Variants in FBXO43 observed in about 807,000 individuals in gnomAD.
FBXO43 encodes the protein F-box only protein 43.
FBXO43 carries 22 observed loss-of-function variants against 56.7 expected under a neutral mutation model. The ratio of observed to expected loss-of-function variants is 0.39; its 90% CI spans 0.28 to 0.55. The LOEUF (loss-of-function observed/expected upper bound fraction) is 0.55, where lower values mean the gene tolerates loss of function less well. Among genes scored for constraint, FBXO43 ranks in the 20% least tolerant of loss-of-function variants. The probability of loss-of-function intolerance (pLI) is 0.66; values close to 1 mark genes in which losing one functional copy is unlikely to be tolerated. For synonymous variants in FBXO43, 306 were observed against 294.5 expected (o/e 1.04, Z -0.40); for missense variants, 733 against 814.9 (o/e 0.90, Z 1.22).
intron 2 of FBXO43, among the ~76,000 whole-genome samples, chr8:100,139,985 C>A (rs988747093): frequency 6.6e-6 from 1 of 152,126 alleles, no homozygotes; most frequent in African/African-American, 2.4e-5. Context: ...GACCAAGTGT[C>A]ATAACTTTAA....
At position 100,141,509 on chromosome 8, in the gene FBXO43, A is replaced by C. The variant is rs1293168147; in HGVS notation, c.745T>G (p.Cys249Gly). Reference sequence around the variant, plus strand: ...TTATTGCCCTGAATTGGAGATATACATTCAACTTCAAATAGGCTACAATCA... The same window carrying C: ...TTATTGCCCTGAATTGGAGATATACCTTCAACTTCAAATAGGCTACAATCA... ...KDDCSLFEVE[C>G]ISPIQGNNFK... Residue 249 changes from cysteine (C) to glycine (G), a missense_variant, in exon 2 of 5, where the codon TGT (cysteine) becomes GGT (glycine). By Grantham distance (159) the Cys-to-Gly change is radical (BLOSUM62 -3). Transcript: ENST00000428847. 1.2e-6 allele frequency: 2 copies of C among 1,612,484 alleles called. No homozygotes were observed. The highest frequency in any genetic ancestry group is 1.7e-6 in the Non-Finnish European group (2 of 1,180,024).
At chr8:100,143,329 A>T (rs1263766452) in intron 1 of FBXO43, among the ~76,000 whole-genome samples, 1 of 152,210 alleles carries the variant, frequency 6.6e-6, no homozygotes, top group East Asian at 1.9e-4. Context: ...TGCGACAGTA[A>T]TTTATTTATG....
chr8:100,140,099 ACT>A (rs1488184719), intron 2 of FBXO43, among the ~76,000 whole-genome samples: 4 of 152,150 alleles, frequency 2.6e-5, no homozygotes, highest in East Asian at 1.9e-4. Context: ...ACTTTTAGCA[ACT>A]CTCTTTCCAA....
chr8:100,138,589 T>C lies in FBXO43; in HGVS notation c.1572-922A>G, dbSNP rs1281834344. 2.6e-5 allele frequency among the ~76,000 whole-genome samples: 4 copies of C among 152,216 alleles called. No individual in the cohort carries two copies. The East Asian group carries it at 7.7e-4, about 29-fold the overall frequency. ...CCAGGAACAGTACTGCCAACATAGT[T>C]ACATACTTTGCAGTACAAATACTGT... On this transcript the variant is annotated intron_variant, in intron 2 of 4. Transcript: ENST00000428847.
chr8:100,148,176 CTT>C (rs1278858111), upstream of FBXO43, among the ~76,000 whole-genome samples: 2 of 152,116 alleles, frequency 1.3e-5, no homozygotes, highest in Admixed American at 6.5e-5. Context: ...AAACATTGCC[CTT>C]TTCTTTTTTC....
In FBXO43 at chr8:100,141,346, A is replaced by G; in HGVS notation, c.908T>C (p.Ile303Thr). 1 of 1,613,710 alleles carries G rather than the reference A, an allele frequency of 6.2e-7. No homozygotes were observed. Among genetic ancestry groups the G allele is most frequent in the Non-Finnish European group, 8.5e-7 (1 of 1,180,036 alleles). Residue 303 changes from isoleucine (I) to threonine (T), a missense_variant, in exon 2 of 5, where the codon ATA becomes ACA. Transcript: ENST00000428847. ...GTDEDIFVTP[I>T]SNLVANIRFN... ...TCTAATGTTTGCCACAAGATTACTT[A>G]TCGGAGTCACAAATATGTCCTCATC...
At chr8:100,142,279 A>G (rs1180251448) in intron 1 of FBXO43, 111 bp from the exon 2 acceptor site, 1 of 1,059,544 alleles carries the variant, frequency 9.4e-7, no homozygotes, top group African/African-American at 1.6e-5. Flanking sequence ...TTGTATGACA[A>G]TTTTTGAAAA....
At chr8:100,150,241 A>C (rs1232637416), upstream of FBXO43, among the ~76,000 whole-genome samples, 1 of 152,208 alleles carries the variant, frequency 6.6e-6, no homozygotes, top group Non-Finnish European at 1.5e-5. Flanking sequence ...ATTTTTAAAA[A>C]CAATCTGGAA....
upstream of FBXO43, among the ~76,000 whole-genome samples, chr8:100,146,328 C>T (rs777752355): frequency 2.6e-5 from 4 of 152,084 alleles, no homozygotes; most frequent in African/African-American, 4.8e-5. Flanking sequence ...AAAGCTGAGC[C>T]GGGCCTGGTG....
At chr8:100,147,676 T>C (rs1237044538), upstream of FBXO43, among the ~76,000 whole-genome samples, 1 of 152,198 alleles carries the variant, frequency 6.6e-6, no homozygotes, top group East Asian at 1.9e-4. Flanking sequence ...AGGAAGCTAC[T>C]GCATTTCTCC....
At chr8:100,144,396 C>A (rs1586354098) in intron 1 of FBXO43, among the ~76,000 whole-genome samples, 1 of 152,206 alleles carries the variant, frequency 6.6e-6, no homozygotes, top group South Asian at 2.1e-4. Flanking sequence ...TTGCCTCCAA[C>A]GTCCTTTCTC....
Position 100,134,144 on chromosome 8 carries a change from A to G in FBXO43, c.1878+17T>C. 6.2e-7 allele frequency: 1 copy of G among 1,607,808 alleles called. No homozygotes were observed. Among genetic ancestry groups the G allele is most frequent in the Non-Finnish European group, 8.5e-7 (1 of 1,176,300 alleles). On this transcript the variant is annotated intron_variant, in intron 4 of 4. Transcript: ENST00000428847. ...AAATATTTATTTCTAATAACTTATG[A>G]CATAATAAATACTTACCTTAACATA...
At chr8:100,136,438 T>A (rs1384084679) in intron 3 of FBXO43, among the ~76,000 whole-genome samples, 1 of 152,224 alleles carries the variant, frequency 6.6e-6, no homozygotes, top group Non-Finnish European at 1.5e-5. Context: ...CTCAGAATCT[T>A]TTTTGGCCTA....
At position 100,140,899 on chromosome 8, in the gene FBXO43, T is replaced by C; in HGVS notation, c.1355A>G (p.Lys452Arg). ...ALQLVHELFM[K>R]SKRKRLQENS... is the part of the protein sequence containing the mutation. ...TTCCTGTAATCTTTTCCTCTTGCTT[T>C]TCATGAACAGCTCATGTACCAATTG... The change falls in exon 2 of 5, where the codon AAA becomes AGA. Residue 452 changes from lysine (K) to arginine (R), a missense_variant. Transcript: ENST00000428847. 1 of 1,614,200 alleles carries C rather than the reference T, an allele frequency of 6.2e-7. No homozygotes were observed.
chr8:100,140,910 C>T lies in FBXO43; in HGVS notation c.1344G>A (p.Glu448=). ...TTTTCCTCTTGCTTTTCATGAACAG[C>T]TCATGTACCAATTGCAAGGCTGGGG... The part of the protein sequence containing the change: ...SKTPALQLVH[E]LFMKSKRKRL... Residue 448 remains glutamate, a synonymous_variant, in exon 2 of 5, where the codon GAG becomes GAA. Coordinates refer to ENST00000428847, the MANE Select transcript of FBXO43 (RefSeq NM_001029860.4). 3 of 1,614,158 alleles carry T rather than the reference C, an allele frequency of 1.9e-6. No individual in the cohort carries two copies. Among genetic ancestry groups the T allele is most frequent in the Non-Finnish European group, 2.5e-6 (3 of 1,180,022 alleles).
rs1359644969 is a variant in FBXO43, at chr8:100,140,721, A to G, written c.1533T>C (p.Ala511=). ...LKYRNLKHIL[A]MVLESLTAES... ...CTGCGGTCAAGGACTCTAAAACCAT[A>G]GCAAGAATATGCTTTAAATTTCTAT... is the stretch of plus-strand genomic sequence containing the variant. Residue 511 remains alanine (A), a synonymous_variant, in exon 2 of 5, where the codon GCT becomes GCC. Coordinates refer to ENST00000428847, the MANE Select transcript of FBXO43 (RefSeq NM_001029860.4). 5.0e-6 allele frequency: 8 copies of G among 1,611,786 alleles called. No individual in the cohort carries two copies. The highest frequency in any genetic ancestry group is 6.8e-6 in the Non-Finnish European group (8 of 1,179,102).
intron 1 of FBXO43, among the ~76,000 whole-genome samples, chr8:100,142,723 T>C (rs1474707797): frequency 6.6e-6 from 1 of 152,168 alleles, no homozygotes. Flanking sequence ...CTAGTCCCCA[T>C]AACCATTCAC....
At position 100,145,380 on chromosome 8, in the gene FBXO43, T is replaced by G. The variant is rs1814799444; in HGVS notation, c.-245A>C. 1 of 361,574 alleles carries G rather than the reference T, an allele frequency of 2.8e-6. No homozygotes were observed. Among genetic ancestry groups the G allele is most frequent in the South Asian group, 6.2e-5 (1 of 16,016 alleles). The allele number at this position is 361,574 out of a possible 1,614,324, so 22.4% of individuals were successfully genotyped here. On this transcript the variant is annotated 5_prime_UTR_variant, in exon 1 of 5. Transcript: ENST00000428847. ...AGTAAACTTCCCAAATTCGGGTTCC[T>G]GAAAAGGCAGCGTGTGCTGCAGCCT...
chr8:100,134,530 C>T (rs1015050593), intron 3 of FBXO43, among the ~76,000 whole-genome samples, 166 bp from the exon 4 acceptor site: 1 of 151,942 alleles, frequency 6.6e-6, no homozygotes, highest in Non-Finnish European at 1.5e-5. Context: ...AAAAAACCAA[C>T]CTTTTCTCAC....
Sources: allele counts gnomAD v4.1 joint callset (sites outside exome capture counted in the v4.1 genomes callset), GRCh38; gene constraint gnomAD v4.1.1; transcripts MANE v1.5; gene names NCBI Gene and HGNC (gene_info 2026-07-23, HGNC 2026-07-21).